The following DICER1 variants were observed in gnomAD, a reference collection of about 807,000 sequenced individuals.
The protein encoded by DICER1 is endoribonuclease Dicer.
Under a neutral mutation model 194.1 loss-of-function variants are expected in DICER1, and 43 were observed. The observed-to-expected ratio is 0.22, with a 90% CI of 0.17 to 0.29. DICER1 has a LOEUF of 0.29. DICER1 is among the 10% of genes least tolerant of loss of function. DICER1 has a pLI of 1.00. For synonymous variants in DICER1, 832 were observed against 820.5 expected, an observed-to-expected ratio of 1.01 and a Z score of -0.24; for missense variants, 1,608 against 2,317.0, an observed-to-expected ratio of 0.69 and a Z score of 6.28.
chr14:95,115,182 G>A (rs1207330903), intron 11 of DICER1, among the ~76,000 whole-genome samples: 1 of 152,172 alleles, frequency 6.6e-6, no homozygotes, highest in African/African-American at 2.4e-5. Flanking sequence ...TTTTGTCTCT[G>A]AATAGAAATT....
rs1595339183 is a variant in DICER1 at position 95,096,084 on chromosome 14, G to A, written c.4836C>T (p.Ser1612=). The change falls in exon 23 of 27, where the codon AGC becomes AGT. Residue 1612 remains serine (S), a synonymous_variant. Transcript: ENST00000343455. ...AGCTCACTGAAAGGTTCTTTTGTTG[G>A]CTGTTGAAATTCTCCCGAGTAGGGC... The part of the protein sequence containing the change: ...ALCPTRENFN[S]QQKNLSVSCA... The A allele has an allele frequency of 6.2e-7, 1 of 1,614,170 alleles. No individual in the cohort carries two copies. The highest frequency in any genetic ancestry group is 1.1e-5 in the South Asian group (1 of 91,078).
At chr14:95,140,443 C>T (rs1358049547) in intron 1 of DICER1, among the ~76,000 whole-genome samples, 1 of 152,100 alleles carries the variant, frequency 6.6e-6, no homozygotes, top group African/African-American at 2.4e-5. Flanking sequence ...AACAAAAGGT[C>T]ATACCATATA....
chr14:95,137,967 G>A (rs1052272868), intron 1 of DICER1: 3 of 154,720 alleles, frequency 1.9e-5, no homozygotes, highest in African/African-American at 4.8e-5. Context: ...TCACAAAGGA[G>A]AAAACAGGCA....
chr14:95,095,768 G>GAGACACCC (rs750218632), intron 23 of DICER1, 57 bp downstream of exon 23: 2 of 1,581,772 alleles, frequency 1.3e-6, no homozygotes, highest in Non-Finnish European at 1.7e-6. Context: ...CCAACACGAT[G>GAGACACCC]AGATCAACAC....
chr14:95,124,470 G>T lies in DICER1; in HGVS notation c.1102C>A (p.Leu368Ile), dbSNP rs1555374747. The change falls in exon 8 of 27, where the codon CTT (leucine) becomes ATT (isoleucine). Residue 368 changes from leucine to isoleucine, a missense_variant. Transcript: ENST00000343455. The surrounding 1 kb of genome is among the most constrained non-coding windows in gnomAD (Gnocchi z 4.5). ...LCEEHFSPASLDLKFVTPKVI... is the reference protein window; with the variant it reads ...LCEEHFSPASIDLKFVTPKVI... Reference sequence around the variant, plus strand: ...TTAGGAGTTACAAATTTCAGGTCAAGTGAGGCAGGTGAGAAGTGCTCTTCA... The same window carrying T: ...TTAGGAGTTACAAATTTCAGGTCAATTGAGGCAGGTGAGAAGTGCTCTTCA... 3.1e-6 allele frequency: 5 copies of T among 1,614,160 alleles called. No homozygotes were observed. The highest frequency in any genetic ancestry group is 4.2e-6 in the Non-Finnish European group (5 of 1,180,018).
chr14:95,088,816 A>C lies in DICER1; in HGVS notation c.*1682T>G, dbSNP rs1489730722. 1 of 233,212 alleles carries C rather than the reference A, an allele frequency of 4.3e-6. No homozygotes were observed. Among genetic ancestry groups the C allele is most frequent in the Non-Finnish European group, 8.5e-6 (1 of 117,850 alleles). 14.4% of individuals were successfully genotyped at this position (233,212 alleles called of 1,614,324 possible). Reference sequence around the variant, plus strand: ...TCTCTGTGGGTGGATGATGCAGATAAAGCAGGAAGGACAGTATTCAAATGT... The same window carrying C: ...TCTCTGTGGGTGGATGATGCAGATACAGCAGGAAGGACAGTATTCAAATGT... On this transcript the variant is annotated 3_prime_UTR_variant, in exon 27 of 27. Coordinates refer to ENST00000343455, the MANE Select transcript of DICER1 (RefSeq NM_177438.3).
intron 24 of DICER1, 194 bp from the exon 25 acceptor site, chr14:95,091,559 C>A: frequency 5.2e-6 from 3 of 576,762 alleles, no homozygotes; most frequent in South Asian, 2.3e-5. Context: ...TCAAACTTCT[C>A]AAGAAAAAAA....
At chr14:95,107,495 C>T (rs1273078880) in intron 17 of DICER1, 113 bp downstream of exon 17, 3 of 1,009,334 alleles carry the variant, frequency 3.0e-6, no homozygotes, top group Admixed American at 1.7e-5. Flanking sequence ...CATGATCTGC[C>T]CGCCTTGGCC....
rs751520020 is a variant in DICER1, at chr14:95,133,387, C to T, written c.72G>A (p.Met24Ile). 6.8e-6 allele frequency: 11 copies of T among 1,614,068 alleles called. No homozygotes were observed. The highest frequency in any genetic ancestry group is 9.3e-6 in the Non-Finnish European group (11 of 1,180,010). ...GCCATGGCAGTCCAAAGAAAGGACC[C>T]ATTGGTGAGGAAGCAGGGGTCATGA... ...LQLMTPASSPMGPFFGLPWQQ... is the reference protein window; with the variant it reads ...LQLMTPASSPIGPFFGLPWQQ... The change falls in exon 2 of 27, where the codon ATG becomes ATA. Residue 24 changes from methionine to isoleucine, a missense_variant. Met to Ile is a conservative substitution (Grantham distance 10). Around this residue, in one of 10 missense-constraint regions of DICER1, gnomAD observed 657 missense variants for 910.1 expected, o/e 0.72. Transcript: ENST00000343455.
Position 95,096,357 on chromosome 14 carries a change from A to G in DICER1, c.4563T>C (p.Asp1521=), listed in dbSNP as rs1477697062. ...GATTCCAGAACCCCACCACAAAGTCATCTTCTTCAACAGCTTTGCTAGGAT... is the reference window on the plus strand; with the variant it reads ...GATTCCAGAACCCCACCACAAAGTCGTCTTCTTCAACAGCTTTGCTAGGAT... ...YLDPSKAVEE[D]DFVVGFWNPS... The change falls in exon 23 of 27, where the codon GAT becomes GAC. Residue 1521 remains aspartate, a synonymous_variant. Coordinates refer to ENST00000343455, the MANE Select transcript of DICER1 (RefSeq NM_177438.3). The G allele has an allele frequency of 6.2e-7, 1 of 1,614,228 alleles. No homozygotes were observed. Among genetic ancestry groups the G allele is most frequent in the Non-Finnish European group, 8.5e-7 (1 of 1,180,046 alleles).
intron 6 of DICER1, among the ~76,000 whole-genome samples, chr14:95,128,647 G>A (rs1213563853): frequency 6.6e-6 from 1 of 152,148 alleles, no homozygotes; most frequent in East Asian, 1.9e-4. Context: ...CACTGTCAAT[G>A]CCATTTTACA....
chr14:95,099,734 ACAC>A, intron 22 of DICER1, 43 bp downstream of exon 22: 1 of 185,968 alleles, frequency 5.4e-6, no homozygotes. Context: ...CTCCAGTTAC[ACAC>A]ACACACACAC....
intron 1 of DICER1, among the ~76,000 whole-genome samples, chr14:95,135,697 G>A (rs769720113): frequency 7.9e-5 from 12 of 152,082 alleles, no homozygotes; most frequent in Non-Finnish European, 1.8e-4. Flanking sequence ...TTAGTATTAC[G>A]TCCTCCAGGT....
Position 95,105,882 on chromosome 14 carries a change from G to A in DICER1, c.2988-99C>T. On this transcript the variant is annotated intron_variant, in intron 18 of 26. Transcript: ENST00000343455. This position sits in a 1 kb window ranked among gnomAD's most constrained non-coding sequence, Gnocchi z 4.9. ...ACCTGAAGAGCTCATTTCAACTACA[G>A]CCTCTTGGGCTACCCCTTGGGCAAG... The A allele has an allele frequency of 3.7e-6, 5 of 1,369,108 alleles. No individual in the cohort carries two copies. The highest frequency in any genetic ancestry group is 5.2e-6 in the Non-Finnish European group (5 of 958,492). The allele number at this position is 1,369,108 out of a possible 1,614,324, so 84.8% of individuals were successfully genotyped here. A position where few individuals can be genotyped will look rare whatever the true frequency, so the allele number is the denominator to read the frequency against.
At chr14:95,156,855 G>A (rs1895911966) in intron 1 of DICER1, among the ~76,000 whole-genome samples, 1 of 152,148 alleles carries the variant, frequency 6.6e-6, no homozygotes, top group South Asian at 2.1e-4. Context: ...CACCTCCGCT[G>A]CTCCCGCGCC....
rs748368348 is a variant in DICER1 at position 95,099,760 on chromosome 14, ACACACACACAC to A, written c.4206+9_4206+19del. 0.091 allele frequency: 143,312 copies of A among 1,580,912 alleles called. 3,100 individuals carry two copies. Among genetic ancestry groups the A allele is most frequent in the East Asian group, 0.33 (14,566 of 43,506 alleles). On this transcript the variant is annotated intron_variant, in intron 22 of 26. Transcript: ENST00000343455. Reference sequence around the variant, plus strand: ...CACACACACACACACACACACACACACACACACACACAAACTTACCATTTCATCTTTTTCCC... The same window carrying A: ...CACACACACACACACACACACACACAAAACTTACCATTTCATCTTTTTCCC...
At chr14:95,114,698 G>A (rs1313706267) in intron 11 of DICER1, among the ~76,000 whole-genome samples, 2 of 152,108 alleles carry the variant, frequency 1.3e-5, no homozygotes. Flanking sequence ...AGAGAAAACT[G>A]GCAGACTTCA....
At chr14:95,139,712 T>C (rs772961904) in intron 1 of DICER1, among the ~76,000 whole-genome samples, 1 of 152,220 alleles carries the variant, frequency 6.6e-6, no homozygotes, top group Non-Finnish European at 1.5e-5. Flanking sequence ...TGGATCAAGA[T>C]ATATTTCTAT....
At chr14:95,153,872 AAGG>A (rs1163917173) in intron 1 of DICER1, among the ~76,000 whole-genome samples, 2 of 152,250 alleles carry the variant, frequency 1.3e-5, no homozygotes, top group Admixed American at 6.5e-5. Context: ...CCCACAGGCT[AAGG>A]AGGTGGAATA....
Sources: gnomAD v4.1 joint callset for allele counts (sites outside exome capture counted in the v4.1 genomes callset) on GRCh38, gnomAD v4.1.1 for gene constraint, gnomAD v4.1.1 regional missense constraint, Gnocchi (gnomAD v3.1) non-coding constraint, MANE v1.5 for transcripts, NCBI Gene and HGNC (gene_info 2026-07-23, HGNC 2026-07-21) for gene names.